Variants in HECTD4 observed in about 807,000 individuals in gnomAD.
HECTD4 encodes the protein probable E3 ubiquitin-protein ligase HECTD4.
HECTD4 carries 114 observed loss-of-function variants against 471.5 expected under a neutral mutation model. The observed-to-expected ratio is 0.24, with a 90% CI of 0.21 to 0.28. The LOEUF is 0.28. Ranked by LOEUF, HECTD4 falls within the 10% of genes least tolerant of loss-of-function variation. HECTD4 has a pLI of 1.00. For synonymous variants in HECTD4, 2,012 were observed against 2,256.0 expected, an observed-to-expected ratio of 0.89 and a Z score of 3.07; for missense variants, 3,866 against 5,651.5, an observed-to-expected ratio of 0.68 and a Z score of 10.13.
chr12:112,290,518 C>G (rs969233397), intron 7 of HECTD4, among the ~76,000 whole-genome samples: 2 of 151,566 alleles, frequency 1.3e-5, no homozygotes, highest in African/African-American at 2.4e-5. Flanking sequence ...AGAGCAACAC[C>G]CTGTCTCAAA....
Position 112,264,193 on chromosome 12 carries a change from C to T in HECTD4, c.2639G>A (p.Arg880His), listed in dbSNP as rs994763389. Residue 880 changes from arginine (R) to histidine (H), a missense_variant, in exon 17 of 76, where the codon CGC becomes CAC. Physicochemically the swap from Arg to His is conservative, Grantham distance 29. This residue lies in a region of HECTD4 where 525 missense variants were observed against 672.6 expected (regional missense o/e 0.78). Coordinates refer to ENST00000682272, the MANE Select transcript of HECTD4 (RefSeq NM_001388303.1). ...GTGATTCTGAACTGCCATCAGATAG[C>T]GCAGGCAGGAGGATGCAGCCTTTAA... Reference protein sequence around the residue: ...STVPAASSCLRYLMAVQNHLL... With the variant: ...STVPAASSCLHYLMAVQNHLL... The T allele has an allele frequency of 5.6e-6, 9 of 1,599,148 alleles. No homozygotes were observed. Among genetic ancestry groups the T allele is most frequent in the African/African-American group, 2.7e-5 (2 of 74,680 alleles).
At chr12:112,189,019 C>G (rs546523922) in intron 60 of HECTD4, among the ~76,000 whole-genome samples, 2 of 152,318 alleles carry the variant, frequency 1.3e-5, no homozygotes, top group East Asian at 1.9e-4. Flanking sequence ...TTACGTCCCC[C>G]CTATCCACTC....
intron 7 of HECTD4, among the ~76,000 whole-genome samples, chr12:112,299,355 T>A (rs574789096): frequency 6.6e-6 from 1 of 152,146 alleles, no homozygotes; most frequent in African/African-American, 2.4e-5. Flanking sequence ...GGACCTCACA[T>A]CTGTAATCCC....
At chr12:112,233,214 C>CTTT (rs546999938) in intron 37 of HECTD4, 129 bp from the exon 38 acceptor site, 484 of 235,636 alleles carry the variant, frequency 2.1e-3, no homozygotes, top group African/African-American at 2.9e-3. Flanking sequence ...CTAACATTAG[C>CTTT]TTTTTTTTTT....
chr12:112,193,528 G>T lies in HECTD4; in HGVS notation c.8896C>A (p.Leu2966Met). 1 of 1,612,582 alleles carries T rather than the reference G, an allele frequency of 6.2e-7. No homozygotes were observed. The highest frequency in any genetic ancestry group is 8.5e-7 in the Non-Finnish European group (1 of 1,179,380). The change falls in exon 57 of 76, where the codon CTG becomes ATG. Residue 2966 changes from leucine to methionine, a missense_variant. Physicochemically the swap from Leu to Met is conservative, Grantham distance 15 (BLOSUM62 2). Transcript: ENST00000682272. The surrounding 1 kb of genome is among the most constrained non-coding windows in gnomAD (Gnocchi z 5.2). ...EWLNVAITRT[L>M]HQGEESLLEL... ...AAAAGGCTCTCCTCGCCCTGGTGCA[G>T]GGTCCGGGTGATGGCCACGTTGAGC...
intron 1 of HECTD4, among the ~76,000 whole-genome samples, chr12:112,362,577 C>T (rs536312014): frequency 3.9e-5 from 6 of 152,274 alleles, no homozygotes; most frequent in African/African-American, 1.4e-4. Flanking sequence ...CACTCACTAC[C>T]TCTGGGGAGC....
chr12:112,379,770 C>T (rs2036855682), intron 1 of HECTD4, among the ~76,000 whole-genome samples: 1 of 150,174 alleles, frequency 6.7e-6, no homozygotes, highest in South Asian at 2.1e-4. Context: ...AATCTAATAG[C>T]CACAAAAACA....
intron 1 of HECTD4, among the ~76,000 whole-genome samples, chr12:112,367,988 A>G (rs2036599740): frequency 6.6e-6 from 1 of 152,198 alleles, no homozygotes; most frequent in Admixed American, 6.6e-5. Flanking sequence ...AACATTGAAA[A>G]GATCCATTAC....
intron 64 of HECTD4, 113 bp from the exon 65 acceptor site, chr12:112,176,815 G>C (rs958889345): frequency 2.3e-6 from 2 of 852,106 alleles, no homozygotes; most frequent in African/African-American, 3.4e-5. Context: ...TTAGGGCTTA[G>C]GGCTCAGATA....
At chr12:112,200,876 CGTGCGTGCGT>C in intron 54 of HECTD4, 78 bp from the exon 55 acceptor site, 2 of 1,062,272 alleles carry the variant, frequency 1.9e-6, no homozygotes, top group South Asian at 1.6e-5. Context: ...TGTGTGTGTG[CGTGCGTGCGT>C]GTGTGTGTGT....
intron 44 of HECTD4, among the ~76,000 whole-genome samples, chr12:112,221,287 C>T (rs2033087383): frequency 6.6e-6 from 1 of 151,952 alleles, no homozygotes; most frequent in Non-Finnish European, 1.5e-5. Context: ...CTCACTCTGT[C>T]TCTCAGGCTG....
Position 112,319,777 on chromosome 12 carries a change from T to C in HECTD4, c.178-35A>G. On this transcript the variant is annotated intron_variant, in intron 1 of 75. Coordinates refer to ENST00000682272, the MANE Select transcript of HECTD4 (RefSeq NM_001388303.1). This position sits in a 1 kb window ranked among gnomAD's most constrained non-coding sequence, Gnocchi z 5.3. Reference sequence around the variant, plus strand: ...AAGACGATGGAGAAGTGGGTAAATATTACTTTCACCAAAGTCATCTAAGGA... The same window carrying C: ...AAGACGATGGAGAAGTGGGTAAATACTACTTTCACCAAAGTCATCTAAGGA... 2.4e-6 allele frequency: 3 copies of C among 1,235,258 alleles called. No individual in the cohort carries two copies. The highest frequency in any genetic ancestry group is 1.0e-6 in the Non-Finnish European group (1 of 987,230). The allele number at this position is 1,235,258 out of a possible 1,614,324, so 76.5% of individuals were successfully genotyped here. A position where few individuals can be genotyped will look rare whatever the true frequency, so the allele number is the denominator to read the frequency against.
intron 32 of HECTD4, among the ~76,000 whole-genome samples, chr12:112,242,677 G>A (rs1273364439): frequency 6.6e-5 from 10 of 151,270 alleles, no homozygotes; most frequent in South Asian, 4.2e-4. Flanking sequence ...TGGGGGGGCC[G>A]AGGCAGGCAG....
chr12:112,268,872 T>G (rs1236275954), intron 13 of HECTD4, among the ~76,000 whole-genome samples: 1 of 123,142 alleles, frequency 8.1e-6, no homozygotes, highest in Non-Finnish European at 1.7e-5. Context: ...GAAAAGGTTT[T>G]TTTTTTTTTT....
chr12:112,198,731 T>C lies in HECTD4; in HGVS notation c.8567+1907A>G, dbSNP rs561580950. On this transcript the variant is annotated intron_variant, in intron 55 of 75. Transcript: ENST00000682272. ...TCACACGAGAAACTTTAGGGGCTTA[T>C]GAGATTATTTGTGAGTTAAAGGTCA... Among the ~76,000 whole-genome samples the C allele has an allele frequency of 6.6e-5, 10 of 152,304 alleles. No homozygotes were observed. The South Asian group carries it at 1.5e-3, about 22-fold the overall frequency.
At chr12:112,196,213 T>C (rs1391400456) in intron 55 of HECTD4, among the ~76,000 whole-genome samples, 1 of 152,224 alleles carries the variant, frequency 6.6e-6, no homozygotes, top group Non-Finnish European at 1.5e-5. Flanking sequence ...CTGACCCTAA[T>C]TAAATTTAAT....
chr12:112,279,777 A>G (rs2135636050), intron 8 of HECTD4, among the ~76,000 whole-genome samples: 1 of 152,346 alleles, frequency 6.6e-6, no homozygotes, highest in East Asian at 1.9e-4. Context: ...TTTATCTGAA[A>G]TGCCTGGGAC....
At position 112,228,352 on chromosome 12, in the gene HECTD4, A is replaced by C; in HGVS notation, c.6685-94T>G. 1 of 1,274,706 alleles carries C rather than the reference A, an allele frequency of 7.8e-7. No individual in the cohort carries two copies. The highest frequency in any genetic ancestry group is 1.6e-5 in the African/African-American group (1 of 64,252). 79.0% of individuals were successfully genotyped at this position (1,274,706 alleles called of 1,614,324 possible). A position where few individuals can be genotyped will look rare whatever the true frequency, so the allele number is the denominator to read the frequency against. Reference sequence around the variant, plus strand: ...TATTATTATCTGGAGTTAATTCTTAAATTTTCAGTTAAAAAAATAAAATCA... The same window carrying C: ...TATTATTATCTGGAGTTAATTCTTACATTTTCAGTTAAAAAAATAAAATCA... On this transcript the variant is annotated intron_variant, in intron 42 of 75. Transcript: ENST00000682272. This position sits in a 1 kb window ranked among gnomAD's most constrained non-coding sequence, Gnocchi z 4.9.
At position 112,207,776 on chromosome 12, in the gene HECTD4, C is replaced by T. The variant is rs553060805; in HGVS notation, c.8131+98G>A. ...AAAGACACTGTTAAGTATGGTGCAA[C>T]ATTAGATGAGTCTCTCCTGATTTAC... On this transcript the variant is annotated intron_variant, in intron 52 of 75. Coordinates refer to ENST00000682272, the MANE Select transcript of HECTD4 (RefSeq NM_001388303.1). The T allele has an allele frequency of 1.8e-4, 244 of 1,380,710 alleles. 4 individuals are homozygous for T. In the Middle Eastern group the frequency reaches 3.7e-3, roughly 21 times the overall value. 85.5% of individuals were successfully genotyped at this position (1,380,710 alleles called of 1,614,324 possible).
Sources: gnomAD v4.1 joint callset for allele counts (sites outside exome capture counted in the v4.1 genomes callset) on GRCh38, gnomAD v4.1.1 for gene constraint, gnomAD v4.1.1 regional missense constraint, Gnocchi (gnomAD v3.1) non-coding constraint, MANE v1.5 for transcripts, NCBI Gene and HGNC (gene_info 2026-07-23, HGNC 2026-07-21) for gene names.